The following PMFBP1 variants were observed in gnomAD, a reference collection of about 807,000 sequenced individuals.
The protein encoded by PMFBP1 is polyamine-modulated factor 1-binding protein 1.
In PMFBP1, 131 loss-of-function variants were observed where a neutral mutation model predicts 137.8. The observed-to-expected ratio is 0.95, with a 90% confidence interval of 0.82 to 1.10. PMFBP1 has a LOEUF of 1.10. Ranked by LOEUF, PMFBP1 falls within the 50% of genes least tolerant of loss-of-function variation. PMFBP1 has a pLI of 0.00. For missense variants in PMFBP1, 1,199 were observed against 1,175.4 expected (o/e 1.02, Z -0.29); for synonymous variants, 490 against 450.4 (o/e 1.09, Z -1.11).
At chr16:72,209,719 C>A in the PMFBP1 span, among the ~76,000 whole-genome samples, 4 of 152,126 alleles carry the variant, frequency 2.6e-5, no homozygotes, top group Non-Finnish European at 5.9e-5. Context: ...AGAACAAATA[C>A]AAGACATAAT....
chr16:72,164,657 A>G, intron 3 of PMFBP1, 107 bp downstream of exon 3: 1 of 1,389,696 alleles, frequency 7.2e-7, no homozygotes, highest in Non-Finnish European at 9.8e-7. Flanking sequence ...CTTGCTTAAT[A>G]AGTACTCCTG....
the PMFBP1 span, among the ~76,000 whole-genome samples, chr16:72,199,145 TCCCCTGTCGGTTCAGGTGTTG>T: frequency 6.6e-6 from 1 of 152,150 alleles, no homozygotes; most frequent in Non-Finnish European, 1.5e-5. Flanking sequence ...AGGTCACCTC[TCCCCTGTCGGTTCAGGTGTTG>T]TCAGCAGTCC....
At chr16:72,188,260 T>A in the PMFBP1 span, among the ~76,000 whole-genome samples, 1 of 152,220 alleles carries the variant, frequency 6.6e-6, no homozygotes, top group African/African-American at 2.4e-5. Context: ...TAATTAAAGG[T>A]ACAGATGCAT....
At chr16:72,156,599 G>A (rs951289209) in intron 3 of PMFBP1, among the ~76,000 whole-genome samples, 1 of 151,334 alleles carries the variant, frequency 6.6e-6, no homozygotes, top group Non-Finnish European at 1.5e-5. Flanking sequence ...CAGCCTGAGC[G>A]ACAGAGTGAG....
the PMFBP1 span, among the ~76,000 whole-genome samples, chr16:72,222,476 G>C: frequency 1.3e-5 from 2 of 152,156 alleles, no homozygotes; most frequent in African/African-American, 4.8e-5. Flanking sequence ...TGGGGGGATA[G>C]AGCAGTGGGC....
At chr16:72,215,370 A>G in the PMFBP1 span, among the ~76,000 whole-genome samples, 814 of 112,754 alleles carry the variant, frequency 7.2e-3, 10 homozygotes, top group African/African-American at 0.029. Context: ...GAGAGAGAGA[A>G]AAAAAAAACA....
At chr16:72,135,546 C>T (rs576591964) in intron 9 of PMFBP1, among the ~76,000 whole-genome samples, 90 of 151,712 alleles carry the variant, frequency 5.9e-4, no homozygotes, top group Non-Finnish European at 1.0e-3. Context: ...ATAGCTCTGA[C>T]GGAAGTTCAG....
chr16:72,204,293 T>G, the PMFBP1 span, among the ~76,000 whole-genome samples: 11 of 151,970 alleles, frequency 7.2e-5, no homozygotes, highest in Non-Finnish European at 1.2e-4. Flanking sequence ...GCTCAAGTGA[T>G]TCCTCTGCCT....
At chr16:72,181,194 G>A (rs954859971), upstream of PMFBP1, among the ~76,000 whole-genome samples, 83 of 150,644 alleles carry the variant, frequency 5.5e-4, 2 homozygotes, top group African/African-American at 1.7e-4. Context: ...AGCCCAGATC[G>A]AGCCACTGCC....
At chr16:72,128,504 A>G (rs904925402) in intron 14 of PMFBP1, 153 bp downstream of exon 14, 239 of 1,552,498 alleles carry the variant, frequency 1.5e-4, no homozygotes, top group Non-Finnish European at 2.0e-4. Context: ...CCAGGTGCCA[A>G]TGGGGAGGGA....
chr16:72,245,818 A>G, the PMFBP1 span, among the ~76,000 whole-genome samples: 1 of 151,792 alleles, frequency 6.6e-6, no homozygotes, highest in African/African-American at 2.4e-5. Context: ...CTCTCCAACC[A>G]TTTCCTTGAA....
intron 7 of PMFBP1, 142 bp from the exon 8 acceptor site, chr16:72,136,961 C>A: frequency 4.5e-6 from 5 of 1,123,062 alleles, no homozygotes; most frequent in East Asian, 2.5e-5. Context: ...GATGGGTGTG[C>A]GGAGTGACTG....
At chr16:72,125,041 T>G (rs1228559654) in intron 16 of PMFBP1, 107 bp from the exon 17 acceptor site, 1 of 1,441,562 alleles carries the variant, frequency 6.9e-7, no homozygotes, top group Non-Finnish European at 9.4e-7. Flanking sequence ...GTGTTGGGGG[T>G]ATTTTCTTCT....
chr16:72,151,561 G>C (rs1223024344), intron 4 of PMFBP1, among the ~76,000 whole-genome samples: 1 of 152,174 alleles, frequency 6.6e-6, no homozygotes, highest in Non-Finnish European at 1.5e-5. Flanking sequence ...GTTAACAGCA[G>C]AAGAGTCATG....
At position 72,154,315 on chromosome 16, in the gene PMFBP1, A is replaced by C; in HGVS notation, c.310T>G (p.Leu104Val). ...CGGAGAGAATAGTAAGAAGTCTGCA[A>C]CTCCTCTGTGTGAAACTCCAGTTCT... is the stretch of plus-strand genomic sequence containing the variant. ...QQELEFHTEE[L>V]QTSYYSLRQY... The change falls in exon 4 of 21, where the codon TTG (leucine) becomes GTG (valine). Residue 104 changes from leucine to valine, a missense_variant. Transcript: ENST00000237353. 1 of 1,613,914 alleles carries C rather than the reference A, an allele frequency of 6.2e-7. No homozygotes were observed. The highest frequency in any genetic ancestry group is 8.5e-7 in the Non-Finnish European group (1 of 1,179,976).
upstream of PMFBP1, among the ~76,000 whole-genome samples, chr16:72,177,685 G>A (rs1458985573): frequency 6.6e-6 from 1 of 152,144 alleles, no homozygotes; most frequent in Non-Finnish European, 1.5e-5. Flanking sequence ...TGCATACTTT[G>A]TTAGGATGTC....
the PMFBP1 span, among the ~76,000 whole-genome samples, chr16:72,186,906 G>C: frequency 6.6e-6 from 1 of 151,890 alleles, no homozygotes; most frequent in Non-Finnish European, 1.5e-5. Context: ...TGAGGTCAAG[G>C]GTTCGAGACA....
In PMFBP1 at chr16:72,140,584, TGAGA is replaced by T; in HGVS notation, c.637-6_637-3del. ...ATGATCACCCTTGTTCTCAGGCTCC[TGAGA>T]GATTTAAAAATAATGGGTTGATTTT... On this transcript the variant is annotated splice_polypyrimidine_tract_variant and splice_region_variant and intron_variant, in intron 5 of 20. Coordinates refer to ENST00000237353, the MANE Select transcript of PMFBP1 (RefSeq NM_031293.3). 6.2e-7 allele frequency: 1 copy of T among 1,609,544 alleles called. No homozygotes were observed. Among genetic ancestry groups the T allele is most frequent in the Non-Finnish European group, 8.5e-7 (1 of 1,177,048 alleles).
the PMFBP1 span, among the ~76,000 whole-genome samples, chr16:72,202,768 A>G: frequency 6.6e-6 from 1 of 152,158 alleles, no homozygotes; most frequent in African/African-American, 2.4e-5. Flanking sequence ...GCTTTTGACA[A>G]TCTCCTTCCT....
Sources: gnomAD v4.1 joint callset for allele counts (sites outside exome capture counted in the v4.1 genomes callset) on GRCh38, gnomAD v4.1.1 for gene constraint, MANE v1.5 for transcripts, NCBI Gene and HGNC (gene_info 2026-07-23, HGNC 2026-07-21) for gene names.